Variants in ANKS1B observed in about 807,000 individuals in gnomAD.
ANKS1B encodes ankyrin repeat and sterile alpha motif domain-containing protein 1B.
Under a neutral mutation model 148.3 loss-of-function variants are expected in ANKS1B, and 36 were observed. The ratio of observed to expected loss-of-function variants is 0.24; its 90% CI spans 0.19 to 0.32. The LOEUF is 0.32. ANKS1B is among the 10% of genes least tolerant of loss of function. The pLI is 1.00. For missense variants in ANKS1B, 1,157 were observed against 1,542.6 expected (o/e 0.75, Z 4.19); for synonymous variants, 542 against 560.8 (o/e 0.97, Z 0.47).
At chr12:99,634,716 T>C (rs148069462) in intron 9 of ANKS1B, among the ~76,000 whole-genome samples, 90 of 152,252 alleles carry the variant, frequency 5.9e-4, no homozygotes, top group African/African-American at 2.0e-3. Context: ...TTGGCAATGA[T>C]TGCTGGGTTA....
intron 17 of ANKS1B, among the ~76,000 whole-genome samples, chr12:98,885,392 A>G (rs1438772472): frequency 6.6e-6 from 1 of 152,220 alleles, no homozygotes; most frequent in Admixed American, 6.5e-5. Context: ...GGTAAACAAA[A>G]TTCTGAGACT....
intron 12 of ANKS1B, among the ~76,000 whole-genome samples, chr12:99,315,423 A>C (rs2083890227): frequency 6.6e-6 from 1 of 152,214 alleles, no homozygotes; most frequent in South Asian, 2.1e-4. Context: ...GACAGTGCTC[A>C]AAAGAAGACA....
intron 9 of ANKS1B, among the ~76,000 whole-genome samples, chr12:99,591,433 T>C (rs1344215697): frequency 2.6e-5 from 4 of 152,048 alleles, no homozygotes; most frequent in African/African-American, 2.4e-5. Flanking sequence ...TTTCATACAC[T>C]CTATATTGGT....
chr12:99,697,206 G>A (rs1438651768), intron 8 of ANKS1B, among the ~76,000 whole-genome samples: 1 of 152,140 alleles, frequency 6.6e-6, no homozygotes, highest in East Asian at 1.9e-4. Flanking sequence ...CTACCATGTG[G>A]TCTAGTCATC....
chr12:99,408,991 C>T (rs1594194097), intron 11 of ANKS1B, among the ~76,000 whole-genome samples: 2 of 111,954 alleles, frequency 1.8e-5, no homozygotes. Flanking sequence ...TATGATCCTG[C>T]AGTCACACTG....
At chr12:99,154,597 T>G (rs943097619) in intron 14 of ANKS1B, 142 of 1,481,566 alleles carry the variant, frequency 9.6e-5, no homozygotes, top group Non-Finnish European at 1.2e-4. Flanking sequence ...AGGCAGGCTG[T>G]GGAGTATGAC....
chr12:99,261,097 A>C (rs1163697982), intron 12 of ANKS1B, among the ~76,000 whole-genome samples: 1 of 152,190 alleles, frequency 6.6e-6, no homozygotes, highest in Non-Finnish European at 1.5e-5. Flanking sequence ...CTAGCTCTGC[A>C]AAAGAAAAGT....
chr12:99,199,007 C>G (rs1490660987), intron 14 of ANKS1B, among the ~76,000 whole-genome samples: 1 of 152,046 alleles, frequency 6.6e-6, no homozygotes, highest in African/African-American at 2.4e-5. Context: ...GTGGAGGGGC[C>G]CATTAGAGAA....
chr12:99,515,949 T>A (rs1265176091), intron 9 of ANKS1B, among the ~76,000 whole-genome samples: 1 of 152,164 alleles, frequency 6.6e-6, no homozygotes, highest in African/African-American at 2.4e-5. Context: ...CTGTTTGCCA[T>A]TTGTATGTCT....
intron 12 of ANKS1B, among the ~76,000 whole-genome samples, chr12:99,260,065 G>A (rs539675414): frequency 6.6e-6 from 1 of 152,260 alleles, no homozygotes; most frequent in Admixed American, 6.5e-5. Context: ...CTGTATTGGG[G>A]GAAGAGAGGA....
chr12:99,859,334 T>A (rs1404649882), intron 1 of ANKS1B, among the ~76,000 whole-genome samples: 1 of 152,220 alleles, frequency 6.6e-6, no homozygotes, highest in African/African-American at 2.4e-5. Flanking sequence ...ACGCATAATA[T>A]ACTTTATGCA....
intron 25 of ANKS1B, among the ~76,000 whole-genome samples, chr12:98,757,863 C>T (rs1056039320): frequency 6.6e-5 from 10 of 152,110 alleles, no homozygotes; most frequent in African/African-American, 1.4e-4. Context: ...TTTATTACGG[C>T]GATTGGTCTG....
chr12:99,259,716 A>C (rs1468983127), intron 12 of ANKS1B, among the ~76,000 whole-genome samples: 1 of 152,144 alleles, frequency 6.6e-6, no homozygotes, highest in East Asian at 1.9e-4. Flanking sequence ...TGCGCTTTGC[A>C]TTGAAAGAAG....
At chr12:99,157,268 A>G (rs1486205398) in intron 14 of ANKS1B, among the ~76,000 whole-genome samples, 2 of 152,212 alleles carry the variant, frequency 1.3e-5, no homozygotes, top group Admixed American at 6.5e-5. Context: ...TCTCAATTAT[A>G]GCTTCTCCTA....
chr12:99,402,247 T>C (rs1379343408), intron 11 of ANKS1B, among the ~76,000 whole-genome samples: 1 of 146,268 alleles, frequency 6.8e-6, no homozygotes, highest in Non-Finnish European at 1.5e-5. Context: ...CCTAATGATG[T>C]AGTTGAAAGA....
chr12:99,094,787 G>T (rs1183500451), intron 15 of ANKS1B, among the ~76,000 whole-genome samples: 2 of 152,178 alleles, frequency 1.3e-5, no homozygotes, highest in Non-Finnish European at 2.9e-5. Flanking sequence ...ACAGAGACTT[G>T]CAGACTCTGA....
chr12:99,817,370 ATTCTATT>A (rs2082005002), intron 2 of ANKS1B, among the ~76,000 whole-genome samples: 1 of 151,674 alleles, frequency 6.6e-6, no homozygotes, highest in Non-Finnish European at 1.5e-5. Context: ...GTTGAATAAT[ATTCTATT>A]GTGTATATGT....
In ANKS1B at chr12:99,612,536, C is replaced by T. The variant is rs563233443; in HGVS notation, c.1272+42531G>A. ...AACACATAGGTTGGATTCGAATCCT[C>T]AAAGTCCAGCTCCAAAATCCGCAAT... On this transcript the variant is annotated intron_variant, in intron 9 of 26. Coordinates refer to ENST00000683438, the MANE Select transcript of ANKS1B (RefSeq NM_001352186.2). Among the ~76,000 whole-genome samples the T allele has an allele frequency of 7.9e-5, 12 of 152,256 alleles. No individual in the cohort carries two copies. In the South Asian group the frequency reaches 2.5e-3, roughly 32 times the overall value.
At position 98,745,302 on chromosome 12, in the gene ANKS1B, G is replaced by T; in HGVS notation, c.*437C>A. 3 of 984,082 alleles carry T rather than the reference G, an allele frequency of 3.0e-6. No individual in the cohort carries two copies. The highest frequency in any genetic ancestry group is 3.6e-6 in the Non-Finnish European group (3 of 830,410). The allele number at this position is 984,082 out of a possible 1,614,324, so 61.0% of individuals were successfully genotyped here. On this transcript the variant is annotated 3_prime_UTR_variant, in exon 27 of 27. Coordinates refer to ENST00000683438, the MANE Select transcript of ANKS1B (RefSeq NM_001352186.2). ...ATGCTTTGGAGGTGGGAGGGGTAGT[G>T]CTGCTCTGATTTCACCTTTAAAACT...
Sources: allele counts gnomAD v4.1 joint callset (sites outside exome capture counted in the v4.1 genomes callset), GRCh38; gene constraint gnomAD v4.1.1; transcripts MANE v1.5; gene names NCBI Gene and HGNC (gene_info 2026-07-23, HGNC 2026-07-21).